The following DGKB variants were observed in gnomAD, a reference collection of about 807,000 sequenced individuals.
DGKB encodes the protein diacylglycerol kinase beta, also known as 90 kDa diacylglycerol kinase.
Under a neutral mutation model 114.3 loss-of-function variants are expected in DGKB, and 67 were observed. The ratio of observed to expected loss-of-function variants is 0.59; its 90% confidence interval spans 0.48 to 0.72. The LOEUF (loss-of-function observed/expected upper bound fraction) is 0.72, where lower values mean the gene tolerates loss of function less well. Ranked by LOEUF, DGKB falls within the 30% of genes least tolerant of loss-of-function variation. The pLI is 0.00. For synonymous variants in DGKB, 398 were observed against 323.1 expected, an observed-to-expected ratio of 1.23 and a Z score of -2.49; for missense variants, 907 against 975.2, an observed-to-expected ratio of 0.93 and a Z score of 0.93.
chr7:14,642,682 T>C (rs550706351), intron 13 of DGKB, among the ~76,000 whole-genome samples: 48 of 152,340 alleles, frequency 3.2e-4, no homozygotes, highest in African/African-American at 1.1e-3. Context: ...AAATTACCTC[T>C]GTTAACTTTG....
At chr7:14,369,643 G>A (rs1817292899) in intron 21 of DGKB, among the ~76,000 whole-genome samples, 1 of 152,126 alleles carries the variant, frequency 6.6e-6, no homozygotes, top group South Asian at 2.1e-4. Context: ...TCCCATTGTG[G>A]TTTTGATTTG....
At chr7:14,660,730 G>C (rs1816879631) in intron 13 of DGKB, among the ~76,000 whole-genome samples, 1 of 151,808 alleles carries the variant, frequency 6.6e-6, no homozygotes, top group Admixed American at 6.6e-5. Flanking sequence ...AACCAAAAAA[G>C]AGCCCGCATC....
chr7:14,274,123 T>C (rs182659047), intron 23 of DGKB, among the ~76,000 whole-genome samples: 5 of 152,284 alleles, frequency 3.3e-5, no homozygotes, highest in African/African-American at 1.2e-4. Flanking sequence ...GGATTTACAG[T>C]AGCAGGTGAT....
chr7:14,641,825 T>G (rs939225924), intron 13 of DGKB, among the ~76,000 whole-genome samples: 19 of 152,110 alleles, frequency 1.2e-4, no homozygotes, highest in African/African-American at 4.6e-4. Context: ...TTTTTAAGAT[T>G]TTATAATGTT....
chr7:14,196,453 T>C (rs531841528), intron 23 of DGKB, among the ~76,000 whole-genome samples: 1 of 152,206 alleles, frequency 6.6e-6, no homozygotes, highest in Non-Finnish European at 1.5e-5. Flanking sequence ...TCTATATTTT[T>C]CTCCTCCCCC....
At chr7:14,434,988 C>T (rs1829024611) in intron 21 of DGKB, among the ~76,000 whole-genome samples, 1 of 152,128 alleles carries the variant, frequency 6.6e-6, no homozygotes, top group Admixed American at 6.6e-5. Flanking sequence ...CATTTCCTTT[C>T]AATTGCATCC....
chr7:14,941,848 G>A (rs1587425149), intron 1 of DGKB, among the ~76,000 whole-genome samples: 2 of 151,914 alleles, frequency 1.3e-5, no homozygotes, highest in Admixed American at 6.6e-5. Flanking sequence ...AGCAAAACAG[G>A]CATAATAAGG....
At chr7:14,438,292 G>T (rs1284688274) in intron 21 of DGKB, among the ~76,000 whole-genome samples, 1 of 152,052 alleles carries the variant, frequency 6.6e-6, no homozygotes, top group Non-Finnish European at 1.5e-5. Flanking sequence ...TGATGGAGTC[G>T]AATTAGTAGG....
chr7:14,368,367 T>A (rs1489564180), intron 21 of DGKB, among the ~76,000 whole-genome samples: 1 of 152,150 alleles, frequency 6.6e-6, no homozygotes, highest in Non-Finnish European at 1.5e-5. Context: ...TCCTCTGTGT[T>A]CCACCAACTC....
At chr7:14,772,640 C>CA (rs1278868516) in intron 2 of DGKB, among the ~76,000 whole-genome samples, 8 of 152,160 alleles carry the variant, frequency 5.3e-5, no homozygotes, top group African/African-American at 1.9e-4. Context: ...ATGCATCACA[C>CA]ACTCTTCCTA....
chr7:14,660,855 G>GAT (rs1191169590), intron 13 of DGKB, among the ~76,000 whole-genome samples: 1 of 151,972 alleles, frequency 6.6e-6, no homozygotes, highest in Non-Finnish European at 1.5e-5. Context: ...CCAAAACAGA[G>GAT]ATATAGATCA....
chr7:14,529,541 A>G (rs1791213211), intron 20 of DGKB, among the ~76,000 whole-genome samples: 1 of 151,868 alleles, frequency 6.6e-6, no homozygotes, highest in Non-Finnish European at 1.5e-5. Flanking sequence ...CTCTAAAATG[A>G]AAAATGGATT....
chr7:14,433,975 G>A (rs1828869156), intron 21 of DGKB, among the ~76,000 whole-genome samples: 1 of 152,150 alleles, frequency 6.6e-6, no homozygotes, highest in Non-Finnish European at 1.5e-5. Flanking sequence ...CTTGTCACAT[G>A]AGGTTAGGTG....
At chr7:14,817,841 C>T (rs1844375854) in intron 2 of DGKB, among the ~76,000 whole-genome samples, 1 of 151,984 alleles carries the variant, frequency 6.6e-6, no homozygotes, top group Admixed American at 6.6e-5. Context: ...TTTTTAAATG[C>T]TTCCTATTGA....
At chr7:14,401,963 T>TACAC (rs68097407) in intron 21 of DGKB, among the ~76,000 whole-genome samples, 1,905 of 148,414 alleles carry the variant, frequency 0.013, 34 homozygotes, top group African/African-American at 0.04. Flanking sequence ...CAATAATTTG[T>TACAC]ACACACACAC....
chr7:14,735,523 G>A (rs10085473), intron 5 of DGKB, among the ~76,000 whole-genome samples: 6,029 of 152,194 alleles, frequency 0.04, 344 homozygotes, highest in African/African-American at 0.13. Flanking sequence ...AGGTATTAAT[G>A]TAAGTATGCA....
chr7:14,211,542 A>G lies in DGKB; in HGVS notation c.2123-33391T>C, dbSNP rs868224470. Among the ~76,000 whole-genome samples, 61 of 9,600 alleles carry G rather than the reference A, an allele frequency of 6.4e-3. 3 individuals carry two copies. The East Asian group carries it at 0.08, about 13-fold the overall frequency. The allele number at this position is 9,600 out of a possible 152,430, so 6.3% of individuals were successfully genotyped here. On this transcript the variant is annotated intron_variant, in intron 23 of 25. Transcript: ENST00000402815. ...TCTCATGTTTTGTGATTTTACTCTC[A>G]TGTTTTGTGATATTTACTCTCATGT...
chr7:14,692,875 T>C (rs1823124706), intron 9 of DGKB, among the ~76,000 whole-genome samples: 1 of 152,032 alleles, frequency 6.6e-6, no homozygotes, highest in Non-Finnish European at 1.5e-5. Context: ...AATAGTAATC[T>C]CTTGAAACCT....
chr7:14,485,263 G>C (rs1783622066), intron 20 of DGKB, among the ~76,000 whole-genome samples: 1 of 150,828 alleles, frequency 6.6e-6, no homozygotes, highest in African/African-American at 2.4e-5. Flanking sequence ...TACTCTGCTA[G>C]ATTGCATTTT....
Sources: allele counts gnomAD v4.1 joint callset (sites outside exome capture counted in the v4.1 genomes callset), GRCh38; gene constraint gnomAD v4.1.1; transcripts MANE v1.5; gene names NCBI Gene and HGNC (gene_info 2026-07-23, HGNC 2026-07-21).